The following RUNX2 variants were observed in gnomAD, a reference collection of about 807,000 sequenced individuals.
RUNX2 encodes RUNX family transcription factor 2.
In RUNX2, 10 loss-of-function variants were observed where a neutral mutation model predicts 51.7. The observed-to-expected ratio is 0.19, with a 90% CI of 0.12 to 0.33. RUNX2 has a LOEUF of 0.33. RUNX2 is among the 10% of genes least tolerant of loss of function. The pLI is 1.00. For missense variants in RUNX2, 562 were observed against 691.3 expected, an observed-to-expected ratio of 0.81 and a Z score of 2.10; for synonymous variants, 276 against 273.6, an observed-to-expected ratio of 1.01 and a Z score of -0.09.
chr6:45,446,793 G>A (rs759205099), intron 5 of RUNX2, among the ~76,000 whole-genome samples: 13 of 152,100 alleles, frequency 8.5e-5, no homozygotes, highest in Non-Finnish European at 1.9e-4. Flanking sequence ...TTTTATTTAA[G>A]CAGGTATAAA....
intron 5 of RUNX2, among the ~76,000 whole-genome samples, chr6:45,463,606 G>T (rs553654431): frequency 6.6e-6 from 1 of 152,004 alleles, no homozygotes; most frequent in Admixed American, 6.5e-5. Context: ...TCTATACAGC[G>T]ATACTCAAAT....
At chr6:45,521,529 G>A (rs1801508434) in intron 7 of RUNX2, among the ~76,000 whole-genome samples, 1 of 152,140 alleles carries the variant, frequency 6.6e-6, no homozygotes, top group South Asian at 2.1e-4. Flanking sequence ...ATTAATTATA[G>A]CCATCATGTA....
In RUNX2 at chr6:45,547,081, G is replaced by T. The variant is rs1384517929; in HGVS notation, c.1342G>T (p.Gly448Cys). 1.1e-5 allele frequency: 17 copies of T among 1,613,902 alleles called. No homozygotes were observed. The Admixed American group carries it at 2.8e-4, about 27-fold the overall frequency. The change falls in exon 9 of 9, where the codon GGC (glycine) becomes TGC (cysteine). Residue 448 changes from glycine to cysteine, a missense_variant. Physicochemically the swap from Gly to Cys is radical, Grantham distance 159. Around this residue, in one of 5 missense-constraint regions of RUNX2, gnomAD observed 304 missense variants for 353.2 expected, o/e 0.86. Coordinates refer to ENST00000647337, the MANE Select transcript of RUNX2 (RefSeq NM_001024630.4). ...QTSSTPYLYY[G>C]TSSGSYQFPM... ...CAGCAGCACTCCATATCTCTACTAT[G>T]GCACTTCGTCAGGATCCTATCAGTT...
At chr6:45,516,798 G>C (rs1344775391) in intron 7 of RUNX2, among the ~76,000 whole-genome samples, 3 of 152,078 alleles carry the variant, frequency 2.0e-5, no homozygotes, top group Non-Finnish European at 4.4e-5. Context: ...TTACATTTCT[G>C]GAAGTCATTA....
At position 45,387,418 on chromosome 6, in the gene RUNX2, C is replaced by T. The variant is rs1258494116; in HGVS notation, c.59-35175C>T. 2.0e-5 allele frequency among the ~76,000 whole-genome samples: 3 copies of T among 152,208 alleles called. No homozygotes were observed. In the East Asian group the frequency reaches 5.8e-4, roughly 29 times the overall value. On this transcript the variant is annotated intron_variant, in intron 2 of 8. Coordinates refer to ENST00000647337, the MANE Select transcript of RUNX2 (RefSeq NM_001024630.4). Reference sequence around the variant, plus strand: ...TCATTCCACACACATAACTCACATGCGACACACAGCCCTGTTCCTAGATTC... The same window carrying T: ...TCATTCCACACACATAACTCACATGTGACACACAGCCCTGTTCCTAGATTC...
At chr6:45,546,619 G>A (rs1381858219) in intron 8 of RUNX2, among the ~76,000 whole-genome samples, 1 of 152,136 alleles carries the variant, frequency 6.6e-6, no homozygotes, top group Non-Finnish European at 1.5e-5. Context: ...TTCTCTGGGG[G>A]TGAAGAACTT....
chr6:45,463,575 T>A (rs1799537570), intron 5 of RUNX2, among the ~76,000 whole-genome samples: 1 of 152,220 alleles, frequency 6.6e-6, no homozygotes, highest in Non-Finnish European at 1.5e-5. Context: ...AGTGTAAGTA[T>A]GATAATGTAA....
intron 5 of RUNX2, among the ~76,000 whole-genome samples, chr6:45,455,594 G>A (rs543320360): frequency 1.1e-4 from 17 of 152,222 alleles, no homozygotes; most frequent in Non-Finnish European, 2.2e-4. Context: ...GTATAAACCC[G>A]AGATTAGCAC....
At chr6:45,438,078 A>G in intron 5 of RUNX2, 27 bp downstream of exon 5, 1 of 1,392,432 alleles carries the variant, frequency 7.2e-7, no homozygotes, top group East Asian at 2.3e-5. Context: ...TTATTGAAGA[A>G]AGTAATAGAG....
intron 7 of RUNX2, among the ~76,000 whole-genome samples, chr6:45,524,038 A>G (rs897573300): frequency 6.6e-6 from 1 of 152,226 alleles, no homozygotes; most frequent in Non-Finnish European, 1.5e-5. Flanking sequence ...ACAGAACTTT[A>G]ATTTGAATTG....
intron 5 of RUNX2, among the ~76,000 whole-genome samples, chr6:45,439,976 G>A (rs1798795997): frequency 6.6e-6 from 1 of 151,804 alleles, no homozygotes; most frequent in Non-Finnish European, 1.5e-5. Context: ...GTGAGAGTTA[G>A]GAGTAGAGGG....
In RUNX2 at chr6:45,489,638, G is replaced by A. The variant is rs144050456; in HGVS notation, c.686-2303G>A. Among the ~76,000 whole-genome samples, 935 of 152,206 alleles carry A rather than the reference G, an allele frequency of 6.1e-3. 8 individuals are homozygous for A. The highest frequency in any genetic ancestry group is 0.021 in the African/African-American group (889 of 41,510). ...AAAAATAACTTCCAGGGACAATTCC[G>A]TAAGCTTTCTTGTTAATGTTTACAG... On this transcript the variant is annotated intron_variant, in intron 5 of 8. Transcript: ENST00000647337.
intron 2 of RUNX2, among the ~76,000 whole-genome samples, chr6:45,399,809 G>T (rs1004493152): frequency 7.0e-6 from 1 of 142,826 alleles, no homozygotes; most frequent in Non-Finnish European, 1.5e-5. Flanking sequence ...GAAGGAAGGA[G>T]GGAGGGAAGT....
intron 2 of RUNX2, among the ~76,000 whole-genome samples, chr6:45,400,706 C>T (rs935038096): frequency 2.0e-4 from 31 of 152,126 alleles, no homozygotes; most frequent in Non-Finnish European, 7.4e-5. Context: ...AGAACCCAGC[C>T]GTTTTCCTTG....
At chr6:45,412,162 A>G (rs1045154878) in intron 2 of RUNX2, among the ~76,000 whole-genome samples, 1 of 147,756 alleles carries the variant, frequency 6.8e-6, no homozygotes, top group African/African-American at 2.5e-5. Flanking sequence ...AGCCTGGGCT[A>G]CATGCCCAGT....
intron 2 of RUNX2, among the ~76,000 whole-genome samples, chr6:45,345,339 C>G (rs968318750): frequency 6.6e-6 from 1 of 152,222 alleles, no homozygotes; most frequent in East Asian, 1.9e-4. Flanking sequence ...ACCAGAGGGA[C>G]TTTATTATAT....
At chr6:45,375,826 TAAA>T (rs552598332) in intron 2 of RUNX2, among the ~76,000 whole-genome samples, 24 of 145,266 alleles carry the variant, frequency 1.7e-4, no homozygotes, top group African/African-American at 5.3e-4. Flanking sequence ...ACACTTGCTT[TAAA>T]AAAAAAAAAC....
chr6:45,346,298 C>T (rs1426249011), intron 2 of RUNX2, among the ~76,000 whole-genome samples: 1 of 152,002 alleles, frequency 6.6e-6, no homozygotes, highest in Non-Finnish European at 1.5e-5. Flanking sequence ...ATAGGAAATG[C>T]TATGAGAAAG....
chr6:45,359,404 T>C (rs1285518168), intron 2 of RUNX2, among the ~76,000 whole-genome samples: 1 of 152,168 alleles, frequency 6.6e-6, no homozygotes. Flanking sequence ...TAATTACTAT[T>C]ATAGTTATAA....
Sources: allele counts gnomAD v4.1 joint callset (sites outside exome capture counted in the v4.1 genomes callset), GRCh38; gene constraint gnomAD v4.1.1; regional missense constraint gnomAD v4.1.1; transcripts MANE v1.5; gene names NCBI Gene and HGNC (gene_info 2026-07-23, HGNC 2026-07-21).